FAT1: variants seen among roughly 807,000 people sequenced by gnomAD.
The protein encoded by FAT1 is protocadherin Fat 1.
FAT1 carries 171 observed loss-of-function variants against 329.8 expected under a neutral mutation model. That is an observed-to-expected ratio of 0.52 (90% CI 0.46 to 0.59). FAT1 has a LOEUF of 0.59. Ranked by LOEUF, FAT1 falls within the 20% of genes least tolerant of loss-of-function variation. FAT1 has a pLI of 0.00. For missense variants in FAT1, 5,672 were observed against 5,774.4 expected, an observed-to-expected ratio of 0.98 and a Z score of 0.57; for synonymous variants, 2,233 against 2,228.6, an observed-to-expected ratio of 1.00 and a Z score of -0.06.
rs1035185907 is a variant in FAT1 at position 186,598,231 on chromosome 4, C to T, written c.12104-106G>A. On this transcript the variant is annotated intron_variant, in intron 22 of 26. Transcript: ENST00000441802. ...TTATTCTCCGAGGTCTGTAAAAGCT[C>T]GTAAAATTCTCACTCTCTCTGGGAA... 11 of 1,124,898 alleles carry T rather than the reference C, an allele frequency of 9.8e-6. No individual in the cohort carries two copies. In the East Asian group the frequency reaches 1.6e-4, roughly 17 times the overall value. The allele number at this position is 1,124,898 out of a possible 1,614,324, so 69.7% of individuals were successfully genotyped here.
At position 186,621,069 on chromosome 4, in the gene FAT1, T is replaced by A. The variant is rs910896634; in HGVS notation, c.5517A>T (p.Glu1839Asp). The A allele has an allele frequency of 6.2e-7, 1 of 1,613,236 alleles. No homozygotes were observed. Among genetic ancestry groups the A allele is most frequent in the Non-Finnish European group, 8.5e-7 (1 of 1,179,908 alleles). Residue 1839 changes from glutamate (E) to aspartate (D), a missense_variant, in exon 10 of 27, where the codon GAA (glutamate) becomes GAT (aspartate). This residue lies in a region of FAT1 where 3,966 missense variants were observed against 3,915.2 expected (regional missense o/e 1.01). Transcript: ENST00000441802. ...GGACGGTAAAGTGAAAAATACTTGT[T>A]TCTTCATAGTCCAGACTTAGTACTG... ...IHTVLSLDYEETSIFHFTVQV... is the reference protein window; with the variant it reads ...IHTVLSLDYEDTSIFHFTVQV...
intron 2 of FAT1, among the ~76,000 whole-genome samples, chr4:186,700,052 C>T (rs915430531): frequency 4.6e-5 from 7 of 152,152 alleles, no homozygotes; most frequent in East Asian, 1.9e-4. Flanking sequence ...TAAGCTTACT[C>T]TGGCTTTCTT....
chr4:186,671,300 G>A (rs1314623560), intron 2 of FAT1, among the ~76,000 whole-genome samples: 1 of 151,960 alleles, frequency 6.6e-6, no homozygotes, highest in Non-Finnish European at 1.5e-5. Flanking sequence ...ATAATTTACT[G>A]TAAAATAATA....
chr4:186,663,262 A>G, intron 3 of FAT1, 37 bp downstream of exon 3: 1 of 1,465,248 alleles, frequency 6.8e-7, no homozygotes, highest in Non-Finnish European at 9.4e-7. Context: ...AGAAAAGCAT[A>G]AGCATAAACA....
chr4:186,591,921 G>C (rs79607172), intron 26 of FAT1, among the ~76,000 whole-genome samples: 4,301 of 152,188 alleles, frequency 0.028, 202 homozygotes, highest in African/African-American at 0.095. Flanking sequence ...AGCAGTTCTC[G>C]AGTGGGATCT....
chr4:186,721,374 A>G (rs988785599), intron 1 of FAT1, among the ~76,000 whole-genome samples: 1 of 152,386 alleles, frequency 6.6e-6, no homozygotes, highest in Non-Finnish European at 1.5e-5. Flanking sequence ...TATATCACTC[A>G]TTTCAAAAAC....
rs762657611 is a variant in FAT1 at position 186,600,265 on chromosome 4, G to A, written c.11736C>T (p.His3912=). The A allele has an allele frequency of 2.0e-5, 33 of 1,613,764 alleles. No individual in the cohort carries two copies. The highest frequency in any genetic ancestry group is 4.4e-5 in the South Asian group (4 of 91,034). ...TTCCATTCACTTCCAGGGCCACTGCGTGCCACTGCCCATCATTGACCTGAA... is the reference window on the plus strand; with the variant it reads ...TTCCATTCACTTCCAGGGCCACTGCATGCCACTGCCCATCATTGACCTGAA... ...QSIQVNDGQW[H]AVALEVNGNY... Residue 3912 remains histidine, a synonymous_variant, in exon 22 of 27, where the codon CAC becomes CAT. Transcript: ENST00000441802.
rs551646601 is a variant in FAT1 at position 186,690,971 on chromosome 4, T to C, written c.3265+15592A>G. ...TTAAAATTTCATCTGTTATATTCTTTTTTATTGTGGCTACTAAAATATATA... is the reference window on the plus strand; with the variant it reads ...TTAAAATTTCATCTGTTATATTCTTCTTTATTGTGGCTACTAAAATATATA... On this transcript the variant is annotated intron_variant, in intron 2 of 26. Transcript: ENST00000441802. Among the ~76,000 whole-genome samples the C allele has an allele frequency of 3.9e-4, 59 of 152,348 alleles. 1 individual carries two copies. The highest frequency in any genetic ancestry group is 1.4e-3 in the African/African-American group (57 of 41,576).
chr4:186,607,224 G>A (rs1033246987), intron 16 of FAT1, among the ~76,000 whole-genome samples: 5 of 152,278 alleles, frequency 3.3e-5, no homozygotes, highest in East Asian at 1.9e-4. Flanking sequence ...CATCACCAGT[G>A]TCCTTCTCAT....
At chr4:186,715,007 G>A (rs1485288584) in intron 1 of FAT1, among the ~76,000 whole-genome samples, 2 of 152,152 alleles carry the variant, frequency 1.3e-5, no homozygotes, top group Non-Finnish European at 2.9e-5. Flanking sequence ...GAACAAGGGA[G>A]ACGGAGGTTG....
intron 2 of FAT1, among the ~76,000 whole-genome samples, chr4:186,675,074 T>C (rs1277900052): frequency 6.6e-6 from 1 of 152,018 alleles, no homozygotes; most frequent in Non-Finnish European, 1.5e-5. Flanking sequence ...TAGGCTAAAT[T>C]AACTGAAATA....
chr4:186,630,715 C>CG, intron 7 of FAT1, among the ~76,000 whole-genome samples: 1 of 151,872 alleles, frequency 6.6e-6, no homozygotes, highest in East Asian at 1.9e-4. Flanking sequence ...CGATTATCAC[C>CG]ACCCCCACTT....
In FAT1 at chr4:186,693,793, CA is replaced by C. The variant is rs141850307; in HGVS notation, c.3265+12769del. The stretch of plus-strand genomic sequence containing the variant: ...TCCTTCACAATACTTAATATTGGCC[CA>C]AAGACAATAAAACGTTTCAGTTCAG... On this transcript the variant is annotated intron_variant, in intron 2 of 26. Coordinates refer to ENST00000441802, the MANE Select transcript of FAT1 (RefSeq NM_005245.4). 6.0e-3 allele frequency among the ~76,000 whole-genome samples: 909 copies of C among 152,316 alleles called. 14 individuals carry two copies. Among genetic ancestry groups the C allele is most frequent in the African/African-American group, 0.021 (873 of 41,568 alleles).
At chr4:186,638,665 A>T (rs1256882631) in intron 4 of FAT1, among the ~76,000 whole-genome samples, 1 of 152,070 alleles carries the variant, frequency 6.6e-6, no homozygotes, top group East Asian at 1.9e-4. Context: ...CAACTATAAA[A>T]ACTAAGTATT....
intron 9 of FAT1, among the ~76,000 whole-genome samples, chr4:186,622,661 T>C (rs1274797975): frequency 6.6e-6 from 1 of 152,200 alleles, no homozygotes; most frequent in Non-Finnish European, 1.5e-5. Flanking sequence ...TCCAGAATAT[T>C]GTATAATTTT....
At chr4:186,595,591 G>A in intron 26 of FAT1, 98 bp downstream of exon 26, 1 of 1,357,106 alleles carries the variant, frequency 7.4e-7, no homozygotes, top group Non-Finnish European at 1.0e-6. Context: ...TGAAAATATG[G>A]TGAGGCTTTA....
intron 2 of FAT1, among the ~76,000 whole-genome samples, chr4:186,682,753 C>T (rs1407225751): frequency 3.3e-5 from 5 of 152,128 alleles, no homozygotes; most frequent in Non-Finnish European, 7.4e-5. Flanking sequence ...AAAGAGGCAG[C>T]CCGGCAGATC....
At chr4:186,612,962 T>C (rs1413717784) in intron 13 of FAT1, 147 bp downstream of exon 13, 5 of 592,330 alleles carry the variant, frequency 8.4e-6, no homozygotes, top group African/African-American at 1.9e-5. Context: ...TAATTAATTA[T>C]TCTAAAGATT....
At chr4:186,669,701 A>C (rs1041043883) in intron 2 of FAT1, among the ~76,000 whole-genome samples, 2 of 152,184 alleles carry the variant, frequency 1.3e-5, no homozygotes, top group African/African-American at 2.4e-5. Context: ...GGAAAAATGT[A>C]ATTTCTAAAA....
Sources: allele counts gnomAD v4.1 joint callset (sites outside exome capture counted in the v4.1 genomes callset), GRCh38; gene constraint gnomAD v4.1.1; regional missense constraint gnomAD v4.1.1; transcripts MANE v1.5; gene names NCBI Gene and HGNC (gene_info 2026-07-23, HGNC 2026-07-21).